NLK: variants seen among roughly 807,000 people sequenced by gnomAD.
NLK encodes nemo like kinase, also known as serine/threonine-protein kinase NLK.
Under a neutral mutation model 59.0 loss-of-function variants are expected in NLK, and 11 were observed. That is an observed-to-expected ratio of 0.19 (90% CI 0.12 to 0.31). NLK has a LOEUF of 0.31. NLK is among the 10% of genes least tolerant of loss of function. The pLI, the probability that NLK is intolerant of heterozygous loss-of-function variation, is 1.00. For missense variants in NLK, 410 were observed against 661.1 expected (o/e 0.62, Z 4.16); for synonymous variants, 235 against 235.9 (o/e 1.00, Z 0.03).
the NLK span, among the ~76,000 whole-genome samples, chr17:28,202,678 C>CT: frequency 4.2e-5 from 6 of 143,040 alleles, no homozygotes; most frequent in South Asian, 4.4e-4. Flanking sequence ...ATTTCTTTTT[C>CT]TTTTTTTTCT....
At position 28,061,283 on chromosome 17, in the gene NLK, A is replaced by T. The variant is rs142877101; in HGVS notation, c.458+17952A>T. Among the ~76,000 whole-genome samples, 995 of 152,358 alleles carry T rather than the reference A, an allele frequency of 6.5e-3. 16 individuals carry two copies. The highest frequency in any genetic ancestry group is 0.022 in the African/African-American group (926 of 41,590). ...TTTTTAAAAGGTGTCTATAACCTTA[A>T]AGTTAGAAGCAAATTGAAAAAAAGA... On this transcript the variant is annotated intron_variant, in intron 1 of 10. Transcript: ENST00000407008.
intron 1 of NLK, among the ~76,000 whole-genome samples, chr17:28,081,585 G>T (rs1164697279): frequency 1.3e-5 from 2 of 152,074 alleles, no homozygotes; most frequent in Admixed American, 6.6e-5. Flanking sequence ...CTCTTTCATT[G>T]TGGGGCAAGA....
At chr17:28,121,488 T>G (rs1319256519) in intron 1 of NLK, among the ~76,000 whole-genome samples, 1 of 113,596 alleles carries the variant, frequency 8.8e-6, no homozygotes, top group Non-Finnish European at 1.7e-5. Flanking sequence ...TCTTTTTTCT[T>G]TCTTTTCTTT....
chr17:28,067,554 CAATT>C (rs1820107137), intron 1 of NLK, among the ~76,000 whole-genome samples: 1 of 146,046 alleles, frequency 6.8e-6, no homozygotes, highest in South Asian at 2.1e-4. Context: ...AAAAGGCTGA[CAATT>C]AAAAGTAGTG....
In NLK at chr17:28,161,286, A is replaced by G. The variant is rs755079548; in HGVS notation, c.751+20A>G. 3.4e-5 allele frequency: 44 copies of G among 1,305,970 alleles called. No homozygotes were observed. Among genetic ancestry groups the G allele is most frequent in the Non-Finnish European group, 4.7e-5 (42 of 900,226 alleles). 80.9% of individuals were successfully genotyped at this position (1,305,970 alleles called of 1,614,324 possible). ...TGCGAGGTAAGATTTCTTTATGAAG[A>G]AAAAGGTGCTGTCACACTGTAAATG... On this transcript the variant is annotated intron_variant, in intron 4 of 10. Transcript: ENST00000407008.
rs528709517 is a variant in NLK, at chr17:28,165,860, T to C, written c.837+2232T>C. Among the ~76,000 whole-genome samples, 4 of 152,288 alleles carry C rather than the reference T, an allele frequency of 2.6e-5. No homozygotes were observed. The South Asian group carries it at 6.2e-4, about 24-fold the overall frequency. On this transcript the variant is annotated intron_variant, in intron 5 of 10. Transcript: ENST00000407008. ...AAAAAAATTATGTTCTTTCCTTTTG[T>C]TGGTTTGGTTTTTAAAAATATCCTC... is the stretch of plus-strand genomic sequence containing the variant.
chr17:28,164,276 G>A (rs898558485), intron 5 of NLK, among the ~76,000 whole-genome samples: 2 of 151,746 alleles, frequency 1.3e-5, no homozygotes, highest in Non-Finnish European at 2.9e-5. Flanking sequence ...AGGCTGAGAT[G>A]GGAGGATCAC....
At chr17:28,125,439 A>T (rs564193666) in intron 2 of NLK, among the ~76,000 whole-genome samples, 1 of 152,346 alleles carries the variant, frequency 6.6e-6, no homozygotes, top group South Asian at 2.1e-4. Context: ...AAAAGCAGAA[A>T]TAACTGTGTA....
intron 1 of NLK, among the ~76,000 whole-genome samples, chr17:28,084,106 T>C (rs1910435137): frequency 6.6e-6 from 1 of 152,212 alleles, no homozygotes; most frequent in Non-Finnish European, 1.5e-5. Context: ...AACGCTGGAC[T>C]CAGAGGTAGC....
intron 8 of NLK, among the ~76,000 whole-genome samples, chr17:28,189,073 C>T (rs1274041080): frequency 6.6e-6 from 1 of 152,084 alleles, no homozygotes; most frequent in Non-Finnish European, 1.5e-5. Context: ...GACCTGACCT[C>T]AGTGACAGGT....
At chr17:28,201,781 C>T in the NLK span, among the ~76,000 whole-genome samples, 4 of 152,062 alleles carry the variant, frequency 2.6e-5, no homozygotes, top group East Asian at 1.9e-4. Flanking sequence ...TTTGGGAGGC[C>T]GAGGCGGGCA....
At chr17:28,110,835 T>TTTTG (rs952072352) in intron 1 of NLK, among the ~76,000 whole-genome samples, 1 of 152,102 alleles carries the variant, frequency 6.6e-6, no homozygotes, top group African/African-American at 2.4e-5. Flanking sequence ...TAATTCTTTT[T>TTTTG]TTTGTTTGTT....
chr17:28,151,966 A>T (rs910395070), intron 3 of NLK, among the ~76,000 whole-genome samples: 3 of 152,186 alleles, frequency 2.0e-5, no homozygotes, highest in African/African-American at 7.2e-5. Flanking sequence ...ATTTGAAATC[A>T]TGCTTTATAT....
intron 1 of NLK, among the ~76,000 whole-genome samples, chr17:28,121,489 T>G (rs923927776): frequency 8.9e-6 from 1 of 112,966 alleles, no homozygotes; most frequent in African/African-American, 3.4e-5. Flanking sequence ...CTTTTTTCTT[T>G]CTTTTCTTTT....
chr17:28,155,572 C>CAT (rs1348815517), intron 3 of NLK, among the ~76,000 whole-genome samples: 1 of 152,114 alleles, frequency 6.6e-6, no homozygotes, highest in Non-Finnish European at 1.5e-5. Flanking sequence ...AAATGTGGCA[C>CAT]ATATACACCA....
intron 1 of NLK, among the ~76,000 whole-genome samples, chr17:28,054,047 A>G (rs1443546277): frequency 6.6e-6 from 1 of 152,192 alleles, no homozygotes; most frequent in Admixed American, 6.5e-5. Context: ...AGGAAACTTG[A>G]TTTCTATATT....
chr17:28,109,656 T>C (rs1905378369), intron 1 of NLK, among the ~76,000 whole-genome samples: 1 of 152,214 alleles, frequency 6.6e-6, no homozygotes, highest in Non-Finnish European at 1.5e-5. Flanking sequence ...CATAATGTTT[T>C]TGAGGTTTAT....
intron 3 of NLK, among the ~76,000 whole-genome samples, chr17:28,137,005 TA>T (rs1221574579): frequency 1.6e-5 from 2 of 127,156 alleles, no homozygotes; most frequent in Non-Finnish European, 3.4e-5. Context: ...CCTTGAAAAA[TA>T]AAAAACCTAT....
Position 28,195,469 on chromosome 17 carries a change from A to G in NLK, c.*833A>G, listed in dbSNP as rs1476445714. ...CCCAATATTGCTGTATAGAAAGAGA[A>G]CTAGCTTGCACATTTTAGGTCTGTG... On this transcript the variant is annotated 3_prime_UTR_variant, in exon 11 of 11. Transcript: ENST00000407008. The G allele has an allele frequency of 2.6e-5, 4 of 152,540 alleles. No homozygotes were observed. The highest frequency in any genetic ancestry group is 4.4e-5 in the Non-Finnish European group (3 of 68,026). The allele number at this position is 152,540 out of a possible 1,614,324, so 9.4% of individuals were successfully genotyped here.
Sources: gnomAD v4.1 joint callset for allele counts (sites outside exome capture counted in the v4.1 genomes callset) on GRCh38, gnomAD v4.1.1 for gene constraint, MANE v1.5 for transcripts, NCBI Gene and HGNC (gene_info 2026-07-23, HGNC 2026-07-21) for gene names.